Variants in DMD observed in about 807,000 individuals in gnomAD.
The protein encoded by DMD is mutant dystrophin.
Under a neutral mutation model 330.1 loss-of-function variants are expected in DMD, and 63 were observed. The ratio of observed to expected loss-of-function variants is 0.19; its 90% CI spans 0.16 to 0.24. DMD has a LOEUF of 0.24. DMD is among the 10% of genes least tolerant of loss of function. DMD has a pLI of 1.00. For missense variants in DMD, 3,344 were observed against 2,684.1 expected (o/e 1.25, Z -5.43); for synonymous variants, 1,223 against 959.8 (o/e 1.27, Z -5.07).
At position 32,733,202 on chromosome X, in the gene DMD, G is replaced by A. The variant is rs1445501782; in HGVS notation, c.650-33909C>T. Among the ~76,000 whole-genome samples, 4 of 111,059 alleles carry A rather than the reference G, an allele frequency of 3.6e-5. No homozygotes were observed. The South Asian group carries it at 1.1e-3, about 32-fold the overall frequency. ...TAATGGTAAAGGAATCAATTCAACA[G>A]GAAGAGCTAACTATCCTAAATATAT... is the stretch of plus-strand genomic sequence containing the variant. On this transcript the variant is annotated intron_variant, in intron 7 of 78. Coordinates refer to ENST00000357033, the MANE Select transcript of DMD (RefSeq NM_004006.3).
chrX:32,339,608 C>A (rs912251211), intron 41 of DMD, among the ~76,000 whole-genome samples: 1 of 111,517 alleles, frequency 9.0e-6, no homozygotes, highest in Non-Finnish European at 1.9e-5. Context: ...TTTATTACTA[C>A]CATATATAGC....
chrX:31,177,317 A>C (rs1204333321), intron 71 of DMD, among the ~76,000 whole-genome samples: 1 of 111,707 alleles, frequency 9.0e-6, no homozygotes, highest in African/African-American at 3.2e-5. Context: ...TTATGAGCTG[A>C]ATATTTAGCT....
chrX:32,536,881 C>G lies in DMD; in HGVS notation c.2168+8278G>C, dbSNP rs751079518. Among the ~76,000 whole-genome samples the G allele has an allele frequency of 3.6e-5, 4 of 111,817 alleles. No homozygotes were observed. The East Asian group carries it at 1.1e-3, about 31-fold the overall frequency. ...GGGCAGGGGAATAATCTAATTAAAA[C>G]TGCATTTTAAGATATCCCTCGGGAG... is the stretch of plus-strand genomic sequence containing the variant. On this transcript the variant is annotated intron_variant, in intron 17 of 78. Coordinates refer to ENST00000357033, the MANE Select transcript of DMD (RefSeq NM_004006.3).
intron 2 of DMD, among the ~76,000 whole-genome samples, chrX:32,987,651 G>T (rs1028103424): frequency 9.0e-6 from 1 of 110,781 alleles, no homozygotes; most frequent in African/African-American, 3.3e-5. Flanking sequence ...TTTCCATTTA[G>T]CATGAAATGA....
chrX:32,154,665 G>T, intron 44 of DMD, among the ~76,000 whole-genome samples: 1 of 111,462 alleles, frequency 9.0e-6, no homozygotes, highest in East Asian at 2.8e-4. Flanking sequence ...GCAAAGCAGG[G>T]TTTTATGATA....
chrX:31,553,170 G>A (rs183935166), intron 55 of DMD, among the ~76,000 whole-genome samples: 4 of 111,848 alleles, frequency 3.6e-5, no homozygotes, highest in Non-Finnish European at 3.8e-5. Flanking sequence ...AGCCAGCTAC[G>A]TTTTAAAAAG....
chrX:31,801,894 G>T (rs2092085214), intron 50 of DMD, among the ~76,000 whole-genome samples: 1 of 111,044 alleles, frequency 9.0e-6, no homozygotes, highest in Non-Finnish European at 1.9e-5. Flanking sequence ...ACCTAGTTTG[G>T]GAGGTAAGGA....
chrX:32,794,981 A>G (rs917768997), intron 7 of DMD, among the ~76,000 whole-genome samples: 2 of 112,431 alleles, frequency 1.8e-5, no homozygotes, highest in Admixed American at 9.4e-5. Context: ...TATAAAATAC[A>G]GAACACTGAC....
intron 53 of DMD, among the ~76,000 whole-genome samples, chrX:31,674,800 G>A (rs2033137733): frequency 8.9e-6 from 1 of 112,442 alleles, no homozygotes; most frequent in Non-Finnish European, 1.9e-5. Context: ...TAAAAGCCTA[G>A]GGAACAGGTT....
chrX:32,836,171 A>C (rs929843600), intron 4 of DMD, among the ~76,000 whole-genome samples: 1 of 105,771 alleles, frequency 9.5e-6, no homozygotes, highest in African/African-American at 3.4e-5. Context: ...AGCTGGAATT[A>C]CAGGCGCCAG....
rs749789806 is a variant in DMD, at chrX:33,121,075, A to G, written c.31+90207T>C. On this transcript the variant is annotated intron_variant, in intron 1 of 78. Transcript: ENST00000357033. ...GCCCACTTAAATGTATAAGTTTTCC[A>G]TATTTTATGTTGGTTAATAAGATTA... is the stretch of plus-strand genomic sequence containing the variant. Among the ~76,000 whole-genome samples, 4 of 109,875 alleles carry G rather than the reference A, an allele frequency of 3.6e-5. No individual in the cohort carries two copies. The East Asian group carries it at 1.1e-3, about 31-fold the overall frequency.
chrX:32,771,093 C>G (rs2073546395), intron 7 of DMD, among the ~76,000 whole-genome samples: 1 of 111,702 alleles, frequency 9.0e-6, no homozygotes, highest in Non-Finnish European at 1.9e-5. Flanking sequence ...CTGGATCTGA[C>G]TAGAAGTGAA....
At chrX:32,595,384 C>T (rs1472235329) in intron 13 of DMD, among the ~76,000 whole-genome samples, 1 of 111,781 alleles carries the variant, frequency 8.9e-6, no homozygotes, top group Non-Finnish European at 1.9e-5. Context: ...ACTGGGTCAG[C>T]TAATGATGAA....
At chrX:32,789,704 A>G (rs2075676754) in intron 7 of DMD, among the ~76,000 whole-genome samples, 1 of 111,514 alleles carries the variant, frequency 9.0e-6, no homozygotes, top group Admixed American at 9.5e-5. Flanking sequence ...AAAGAAGGAT[A>G]AACTTACCTG....
At chrX:32,483,578 A>T (rs1408312285) in intron 21 of DMD, among the ~76,000 whole-genome samples, 1 of 109,597 alleles carries the variant, frequency 9.1e-6, no homozygotes, top group African/African-American at 3.3e-5. Context: ...CAATTGCTGC[A>T]TAGCCACTAA....
intron 55 of DMD, among the ~76,000 whole-genome samples, chrX:31,583,236 C>A (rs1183460556): frequency 9.0e-6 from 1 of 111,720 alleles, no homozygotes; most frequent in East Asian, 2.8e-4. Context: ...TGAGAGTCAT[C>A]TGCTTATAGA....
At chrX:32,875,650 T>C (rs772694859) in intron 2 of DMD, among the ~76,000 whole-genome samples, 1 of 112,353 alleles carries the variant, frequency 8.9e-6, no homozygotes, top group African/African-American at 3.2e-5. Context: ...CTGAAATTGT[T>C]ACTTTAAAAT....
At chrX:31,677,498 G>A (rs1254500104) in intron 53 of DMD, among the ~76,000 whole-genome samples, 1 of 112,062 alleles carries the variant, frequency 8.9e-6, no homozygotes, top group Non-Finnish European at 1.9e-5. Context: ...TTATAGAGAA[G>A]AAAAAGAAGT....
In DMD at chrX:32,849,192, G is replaced by A. The variant is rs762708442; in HGVS notation, c.186+536C>T. Among the ~76,000 whole-genome samples, 3 of 111,789 alleles carry A rather than the reference G, an allele frequency of 2.7e-5. No individual in the cohort carries two copies. The South Asian group carries it at 1.1e-3, about 42-fold the overall frequency. The stretch of plus-strand genomic sequence containing the variant: ...AATTTGAGTTCTTTCCCCCCCCAGT[G>A]TAAGACCTTGATCAACATGACTTCA... On this transcript the variant is annotated intron_variant, in intron 3 of 78. Transcript: ENST00000357033.
Sources: allele counts gnomAD v4.1 joint callset (sites outside exome capture counted in the v4.1 genomes callset), GRCh38; gene constraint gnomAD v4.1.1; transcripts MANE v1.5; gene names NCBI Gene and HGNC (gene_info 2026-07-23, HGNC 2026-07-21).